TET3: variants seen among roughly 807,000 people sequenced by gnomAD.
TET3 encodes the protein tet methylcytosine dioxygenase 3, also known as methylcytosine dioxygenase TET3.
A neutral mutation model predicts 141.4 loss-of-function variants in TET3; 19 were observed. The observed-to-expected ratio is 0.13, with a 90% confidence interval of 0.09 to 0.20. The LOEUF (loss-of-function observed/expected upper bound fraction) is 0.20, where lower values mean the gene tolerates loss of function less well. Among genes scored for constraint, TET3 ranks in the 10% least tolerant of loss-of-function variants. The pLI, the probability that TET3 is intolerant of heterozygous loss-of-function variation, is 1.00. For missense variants in TET3, 1,874 were observed against 2,356.9 expected (o/e 0.80, Z 4.24); for synonymous variants, 1,043 against 980.9 (o/e 1.06, Z -1.18).
intron 2 of TET3, among the ~76,000 whole-genome samples, chr2:73,994,792 C>T (rs1055121503): frequency 8.6e-5 from 13 of 151,634 alleles, no homozygotes; most frequent in African/African-American, 2.4e-4. Context: ...CACGTGTCAC[C>T]GTGCCTGGCT....
At chr2:74,117,160 T>C in the TET3 span, among the ~76,000 whole-genome samples, 6 of 152,138 alleles carry the variant, frequency 3.9e-5, no homozygotes, top group Non-Finnish European at 5.9e-5. Flanking sequence ...AATTGTAACC[T>C]CCACCTCCTG....
In TET3 at chr2:74,014,904, T is replaced by C. The variant is rs1283049933; in HGVS notation, c.360+11738T>C. 3.9e-5 allele frequency among the ~76,000 whole-genome samples: 6 copies of C among 152,122 alleles called. No individual in the cohort carries two copies. In the East Asian group the frequency reaches 1.2e-3, roughly 29 times the overall value. On this transcript the variant is annotated intron_variant, in intron 3 of 11. Coordinates refer to ENST00000409262, the MANE Select transcript of TET3 (RefSeq NM_001287491.2). Reference sequence around the variant, plus strand: ...GAGGGACCCACAGTGCCAGGAAAAATGTGGTGGACATCTCTTAGACACCAC... The same window carrying C: ...GAGGGACCCACAGTGCCAGGAAAAACGTGGTGGACATCTCTTAGACACCAC...
At chr2:74,012,004 A>G (rs930360501) in intron 3 of TET3, among the ~76,000 whole-genome samples, 1 of 152,142 alleles carries the variant, frequency 6.6e-6, no homozygotes, top group South Asian at 2.1e-4. Context: ...CCTGCCGCCC[A>G]GGTTGGAGTG....
the TET3 span, among the ~76,000 whole-genome samples, chr2:74,131,331 C>T: frequency 1.2e-4 from 19 of 152,300 alleles, no homozygotes; most frequent in Non-Finnish European, 2.4e-4. Context: ...GATTTGGATT[C>T]GCAGGTCCGT....
chr2:74,078,317 C>A (rs1034021362), intron 5 of TET3, among the ~76,000 whole-genome samples: 1 of 152,070 alleles, frequency 6.6e-6, no homozygotes, highest in East Asian at 1.9e-4. Flanking sequence ...TCAATATTTT[C>A]TAAGGATTTA....
At chr2:74,124,214 G>A in the TET3 span, among the ~76,000 whole-genome samples, 1 of 149,714 alleles carries the variant, frequency 6.7e-6, no homozygotes, top group African/African-American at 2.5e-5. Flanking sequence ...CGGGAGGGAG[G>A]TGGGGGGGTC....
At chr2:74,077,383 G>GGACC (rs1170470983) in intron 5 of TET3, among the ~76,000 whole-genome samples, 1 of 152,140 alleles carries the variant, frequency 6.6e-6, no homozygotes, top group Non-Finnish European at 1.5e-5. Flanking sequence ...GCTGGCCCTG[G>GGACC]GACCACCCTT....
chr2:74,073,542 T>A lies in TET3; in HGVS notation c.2495-7T>A. On this transcript the variant is annotated splice_polypyrimidine_tract_variant and splice_region_variant and intron_variant, in intron 4 of 11. Coordinates refer to ENST00000409262, the MANE Select transcript of TET3 (RefSeq NM_001287491.2). ...TCCAAAAATGTTTACTCTCTGTGTT[T>A]CTGCAGAACAAATAGTGGAGAAAGA... is the stretch of plus-strand genomic sequence containing the variant. 1.3e-6 allele frequency: 2 copies of A among 1,595,854 alleles called. No individual in the cohort carries two copies. The highest frequency in any genetic ancestry group is 1.7e-6 in the Non-Finnish European group (2 of 1,172,582).
At chr2:74,057,893 T>C (rs1267715163) in intron 4 of TET3, among the ~76,000 whole-genome samples, 1 of 152,256 alleles carries the variant, frequency 6.6e-6, no homozygotes, top group Admixed American at 6.5e-5. Context: ...TATAATTCTT[T>C]GTACATTTTC....
intron 4 of TET3, among the ~76,000 whole-genome samples, chr2:74,058,922 G>A (rs1228304199): frequency 6.6e-6 from 1 of 152,218 alleles, no homozygotes; most frequent in East Asian, 1.9e-4. Context: ...ATCAGAGTCT[G>A]TAAAGTTTTA....
chr2:74,073,726 G>GT, intron 5 of TET3, 87 bp downstream of exon 5: 2 of 1,124,732 alleles, frequency 1.8e-6, no homozygotes, highest in Non-Finnish European at 2.5e-6. Flanking sequence ...TCTTTGCCTT[G>GT]TAACAGACAA....
In TET3 at chr2:74,047,106, C is replaced by A. The variant is rs375606763; in HGVS notation, c.1189C>A (p.Pro397Thr). Residue 397 changes from proline (P) to threonine (T), a missense_variant, in exon 4 of 12, where the codon CCC becomes ACC. Around this residue, in one of 10 missense-constraint regions of TET3, gnomAD observed 484 missense variants for 462.2 expected, o/e 1.05. Transcript: ENST00000409262. Reference protein sequence around the residue: ...ALSPPAPFRSPQSYLRAPSWP... With the variant: ...ALSPPAPFRSTQSYLRAPSWP... ...GTCACCTCCTGCCCCTTTCAGATCT[C>A]CCCAGTCTTACCTCCGGGCTCCCTC... 2.5e-6 allele frequency: 4 copies of A among 1,613,966 alleles called. No homozygotes were observed. The South Asian group carries it at 3.3e-5, about 13-fold the overall frequency.
Position 74,088,828 on chromosome 2 carries a change from C to T in TET3, c.2888+790C>T, listed in dbSNP as rs962335948. Reference sequence around the variant, plus strand: ...GGGCATGGTGGCTCATGCCTGTGGTCGCAGCACTTTGGGAGGCCAAGGCGG... The same window carrying T: ...GGGCATGGTGGCTCATGCCTGTGGTTGCAGCACTTTGGGAGGCCAAGGCGG... On this transcript the variant is annotated intron_variant, in intron 7 of 11. Coordinates refer to ENST00000409262, the MANE Select transcript of TET3 (RefSeq NM_001287491.2). Among the ~76,000 whole-genome samples the T allele has an allele frequency of 3.3e-5, 5 of 152,276 alleles. No homozygotes were observed. In the South Asian group the frequency reaches 6.2e-4, roughly 19 times the overall value.
At chr2:74,074,998 G>A (rs1689420237) in intron 5 of TET3, among the ~76,000 whole-genome samples, 1 of 152,110 alleles carries the variant, frequency 6.6e-6, no homozygotes, top group African/African-American at 2.4e-5. Flanking sequence ...AGACTCCCAA[G>A]TAGCTGGGAC....
At position 74,069,152 on chromosome 2, in the gene TET3, T is replaced by A. The variant is rs1032234200; in HGVS notation, c.2495-4397T>A. The stretch of plus-strand genomic sequence containing the variant: ...TAGCACGTGTATAGTTTAATTTTTT[T>A]TTTTATTTTAATCTTTCAGCCATTT... On this transcript the variant is annotated intron_variant, in intron 4 of 11. Coordinates refer to ENST00000409262, the MANE Select transcript of TET3 (RefSeq NM_001287491.2). Among the ~76,000 whole-genome samples the A allele has an allele frequency of 5.9e-5, 9 of 152,090 alleles. No individual in the cohort carries two copies. In the South Asian group the frequency reaches 6.2e-4, roughly 11 times the overall value.
intron 2 of TET3, chr2:73,993,863 G>A (rs1430504354): frequency 6.6e-6 from 1 of 152,262 alleles, no homozygotes; most frequent in African/African-American, 2.4e-5. Flanking sequence ...GGTGGTGGTT[G>A]TGCAGAGGAA....
intron 2 of TET3, among the ~76,000 whole-genome samples, chr2:74,000,002 C>G (rs980965783): frequency 2.0e-5 from 3 of 152,050 alleles, no homozygotes; most frequent in African/African-American, 7.2e-5. Context: ...GGGTGGGGAC[C>G]TGTGTTTGGG....
intron 6 of TET3, among the ~76,000 whole-genome samples, chr2:74,084,437 G>A (rs994090422): frequency 2.6e-5 from 4 of 151,918 alleles, no homozygotes; most frequent in Non-Finnish European, 5.9e-5. Context: ...GACCAGCCTG[G>A]TAAGACCATG....
At chr2:73,994,271 C>T (rs1179758070) in intron 2 of TET3, among the ~76,000 whole-genome samples, 1 of 152,270 alleles carries the variant, frequency 6.6e-6, no homozygotes, top group African/African-American at 2.4e-5. Context: ...CAGGGCTGTT[C>T]AGCTGCTGAT....
Sources: allele counts gnomAD v4.1 joint callset (sites outside exome capture counted in the v4.1 genomes callset), GRCh38; gene constraint gnomAD v4.1.1; regional missense constraint gnomAD v4.1.1; transcripts MANE v1.5; gene names NCBI Gene and HGNC (gene_info 2026-07-23, HGNC 2026-07-21).